The following WASHC2A variants were observed in gnomAD, a reference collection of about 807,000 sequenced individuals.
WASHC2A encodes the protein WASH complex subunit FAM21A.
Under a neutral mutation model 140.3 loss-of-function variants are expected in WASHC2A, and 82 were observed. That is an observed-to-expected ratio of 0.58 (90% CI 0.49 to 0.70). The LOEUF (loss-of-function observed/expected upper bound fraction) is 0.70, where lower values mean the gene tolerates loss of function less well. WASHC2A is among the 30% of genes least tolerant of loss of function. The pLI, the probability that WASHC2A is intolerant of heterozygous loss-of-function variation, is 0.00. For synonymous variants in WASHC2A, 340 were observed against 560.8 expected, an observed-to-expected ratio of 0.61 and a Z score of 5.56; for missense variants, 985 against 1,521.8, an observed-to-expected ratio of 0.65 and a Z score of 5.87.
Position 50,091,590 on chromosome 10 carries a change from C to T in WASHC2A, c.931+72C>T, listed in dbSNP as rs1409675409. The T allele has an allele frequency of 3.7e-4, 546 of 1,495,502 alleles. 1 individual carries two copies. Among genetic ancestry groups the T allele is most frequent in the Non-Finnish European group, 4.4e-4 (486 of 1,105,756 alleles). 92.6% of individuals were successfully genotyped at this position (1,495,502 alleles called of 1,614,324 possible). A position where few individuals can be genotyped will look rare whatever the true frequency, so the allele number is the denominator to read the frequency against. ...GGCCCTCTGCTGGCTTCACCAAAGG[C>T]GGATTTCTCTTTTTATTAGTAATTA... On this transcript the variant is annotated intron_variant, in intron 10 of 30. Coordinates refer to ENST00000282633, the MANE Select transcript of WASHC2A (RefSeq NM_001005751.3).
intron 19 of WASHC2A, 120 bp from the exon 20 acceptor site, chr10:50,109,981 A>G (rs1554889776): frequency 5.2e-6 from 6 of 1,151,868 alleles, no homozygotes; most frequent in East Asian, 5.0e-5. Context: ...CATGTTAGCA[A>G]GGATGGTCTT....
Position 50,078,667 on chromosome 10 carries a change from A to G in WASHC2A, c.292-8A>G. The G allele has an allele frequency of 6.2e-7, 1 of 1,611,672 alleles. No individual in the cohort carries two copies. The highest frequency in any genetic ancestry group is 8.5e-7 in the Non-Finnish European group (1 of 1,179,836). On this transcript the variant is annotated splice_polypyrimidine_tract_variant and splice_region_variant and intron_variant, in intron 3 of 30. Coordinates refer to ENST00000282633, the MANE Select transcript of WASHC2A (RefSeq NM_001005751.3). ...ACCTTTTAACATTGAGTTTGCTTCC[A>G]TATTTAGCGTGTATATGATGAAGAA...
intron 25 of WASHC2A, 85 bp from the exon 26 acceptor site, chr10:50,125,972 A>C: frequency 1.9e-6 from 3 of 1,569,562 alleles, no homozygotes; most frequent in Non-Finnish European, 2.6e-6. Context: ...AAGACTCAGA[A>C]GCCAGGATTG....
chr10:50,075,634 T>C (rs528449323), intron 3 of WASHC2A, among the ~76,000 whole-genome samples: 2 of 149,086 alleles, frequency 1.3e-5, no homozygotes, highest in East Asian at 1.9e-4. Flanking sequence ...AGATAACCTT[T>C]ATTGTGTAGT....
chr10:50,129,297 A>G (rs1346488165), intron 28 of WASHC2A, 122 bp from the exon 29 acceptor site: 29 of 1,545,322 alleles, frequency 1.9e-5, no homozygotes, highest in Non-Finnish European at 2.4e-5. Context: ...GTTCTTAGAT[A>G]ATATCTTCAT....
chr10:50,089,862 C>T (rs1203030385), intron 8 of WASHC2A, among the ~76,000 whole-genome samples: 23,104 of 151,788 alleles, frequency 0.15, 2,299 homozygotes, highest in Admixed American at 0.26. Context: ...GTAATCCCAG[C>T]GCTTTGGGAA....
At chr10:50,072,402 A>G (rs1406586827) in intron 3 of WASHC2A, among the ~76,000 whole-genome samples, 1 of 151,386 alleles carries the variant, frequency 6.6e-6, no homozygotes, top group Non-Finnish European at 1.5e-5. Context: ...GCAAAGCATG[A>G]TAATACTGAG....
At chr10:50,081,869 G>A (rs1462463339) in intron 5 of WASHC2A, among the ~76,000 whole-genome samples, 1 of 152,222 alleles carries the variant, frequency 6.6e-6, no homozygotes, top group East Asian at 1.9e-4. Flanking sequence ...CCGACCTCAG[G>A]TGATCCGCCT....
In WASHC2A at chr10:50,127,864, T is replaced by G. The variant is rs1169570620; in HGVS notation, c.3087+69T>G. 2.2e-5 allele frequency: 17 copies of G among 788,090 alleles called. No individual in the cohort carries two copies. The Admixed American group carries it at 2.4e-4, about 11-fold the overall frequency. The allele number at this position is 788,090 out of a possible 1,614,324, so 48.8% of individuals were successfully genotyped here. A position where few individuals can be genotyped will look rare whatever the true frequency, so the allele number is the denominator to read the frequency against. ...GAACATGCATATGCTTCTTTCTAGT[T>G]TATCAGTTGCATACACAGCAGTCTT... is the stretch of plus-strand genomic sequence containing the variant. On this transcript the variant is annotated intron_variant, in intron 28 of 30. Transcript: ENST00000282633.
intron 3 of WASHC2A, among the ~76,000 whole-genome samples, chr10:50,073,609 A>C (rs1838048308): frequency 1.4e-5 from 1 of 71,930 alleles, no homozygotes; most frequent in South Asian, 6.6e-4. Context: ...TTAACATATA[A>C]TTTCCTGCAC....
At chr10:50,090,133 A>G in intron 8 of WASHC2A, among the ~76,000 whole-genome samples, 1 of 151,848 alleles carries the variant, frequency 6.6e-6, no homozygotes, top group Admixed American at 6.6e-5. Context: ...ATAAATAAAA[A>G]TATTTCTCTA....
intron 16 of WASHC2A, 95 bp downstream of exon 16, chr10:50,097,897 T>C: frequency 6.3e-7 from 1 of 1,587,414 alleles, no homozygotes; most frequent in Non-Finnish European, 8.6e-7. Flanking sequence ...CCCTTTCACG[T>C]TCATATTGAA....
At chr10:50,095,548 A>G (rs782715402) in intron 14 of WASHC2A, 51 bp from the exon 15 acceptor site, 29 of 1,607,732 alleles carry the variant, frequency 1.8e-5, no homozygotes, top group Admixed American at 1.0e-4. Context: ...TGTAAATTCA[A>G]CCGGCCCACA....
chr10:50,091,516 C>T lies in WASHC2A; in HGVS notation c.929C>T (p.Thr310Ile), dbSNP rs1447472303. 6.5e-7 allele frequency: 1 copy of T among 1,549,636 alleles called. No homozygotes were observed. The highest frequency in any genetic ancestry group is 1.4e-5 in the African/African-American group (1 of 73,010). Residue 310 changes from threonine (T) to isoleucine (I), a missense_variant and splice_region_variant, in exon 10 of 31, where the codon ACA becomes ATA. Transcript: ENST00000282633. ...GTGGGTCGAGTGGACGAGGAGCCGA[C>T]AAGTGAGCCCCAGCCGCGTTGATGG... ...DAVGRVDEEP[T>I]TLPSGEAKPR... is the part of the protein sequence containing the mutation.
Position 50,092,280 on chromosome 10 carries a change from A to G in WASHC2A, c.1003+47A>G, listed in dbSNP as rs1326386853. On this transcript the variant is annotated intron_variant, in intron 11 of 30. Transcript: ENST00000282633. ...TGTTATTTTAGGAGCCTGTTGACTA[A>G]GGAATGTTGCTTACATAATTCATGA... 3 of 1,148,408 alleles carry G rather than the reference A, an allele frequency of 2.6e-6. No homozygotes were observed. The African/African-American group carries it at 4.6e-5, about 18-fold the overall frequency. The allele number at this position is 1,148,408 out of a possible 1,614,324, so 71.1% of individuals were successfully genotyped here.
At chr10:50,125,597 T>C in intron 25 of WASHC2A, 148 bp downstream of exon 25, 1 of 1,554,650 alleles carries the variant, frequency 6.4e-7, no homozygotes. Context: ...GAGGGGAGCG[T>C]GTGTGGAGGA....
intron 19 of WASHC2A, among the ~76,000 whole-genome samples, chr10:50,109,037 C>T (rs1321075790): frequency 9.6e-4 from 145 of 151,602 alleles, no homozygotes; most frequent in South Asian, 1.5e-3. Flanking sequence ...TTAGTCACTG[C>T]TAAACATTGA....
chr10:50,071,593 C>T (rs1399853683), intron 3 of WASHC2A, among the ~76,000 whole-genome samples: 1 of 151,498 alleles, frequency 6.6e-6, no homozygotes, highest in Non-Finnish European at 1.5e-5. Flanking sequence ...GCCTGAGCCA[C>T]GGCGCCCGGC....
At chr10:50,069,427 A>G in intron 2 of WASHC2A, 120 bp from the exon 3 acceptor site, 1 of 1,384,126 alleles carries the variant, frequency 7.2e-7, no homozygotes, top group Non-Finnish European at 9.6e-7. Flanking sequence ...AAAAAAAAAA[A>G]AAGCATTTCT....
Sources: gnomAD v4.1 joint callset for allele counts (sites outside exome capture counted in the v4.1 genomes callset) on GRCh38, gnomAD v4.1.1 for gene constraint, MANE v1.5 for transcripts, NCBI Gene and HGNC (gene_info 2026-07-23, HGNC 2026-07-21) for gene names.